Variants in IZUMO3 observed in about 807,000 individuals in gnomAD.
IZUMO3 encodes izumo sperm-egg fusion protein 3.
In IZUMO3, 36 loss-of-function variants were observed where a neutral mutation model predicts 28.4. That is an observed-to-expected ratio of 1.27 (90% CI 0.97 to 1.67). IZUMO3 has a LOEUF of 1.67. Among genes scored for constraint, IZUMO3 ranks in the 40% most tolerant of loss-of-function variants. IZUMO3 has a pLI of 0.00. For missense variants in IZUMO3, 387 were observed against 278.5 expected, an observed-to-expected ratio of 1.39 and a Z score of -2.77; for synonymous variants, 126 against 99.2, an observed-to-expected ratio of 1.27 and a Z score of -1.61.
At position 24,543,147 on chromosome 9, in the gene IZUMO3, A is replaced by C; in HGVS notation, c.*82T>G. On this transcript the variant is annotated 3_prime_UTR_variant, in exon 7 of 7. Transcript: ENST00000543880. Reference sequence around the variant, plus strand: ...TTAAAATACTATGACTTTATGACCAAGAAAGGGTTTACCTCCCAGTTTTGT... The same window carrying C: ...TTAAAATACTATGACTTTATGACCACGAAAGGGTTTACCTCCCAGTTTTGT... 1 of 1,118,878 alleles carries C rather than the reference A, an allele frequency of 8.9e-7. No homozygotes were observed. The highest frequency in any genetic ancestry group is 1.2e-6 in the Non-Finnish European group (1 of 826,264). The allele number at this position is 1,118,878 out of a possible 1,614,324, so 69.3% of individuals were successfully genotyped here.
intron 2 of IZUMO3, 66 bp downstream of exon 2, chr9:24,545,146 C>CT (rs1819561303): frequency 1.3e-6 from 2 of 1,507,508 alleles, no homozygotes; most frequent in East Asian, 4.9e-5. Flanking sequence ...TCTTTGTTTT[C>CT]CCCAGCCAAA....
chr9:24,543,527 A>G, intron 6 of IZUMO3, 137 bp downstream of exon 6: 1 of 628,300 alleles, frequency 1.6e-6, no homozygotes, highest in Non-Finnish European at 2.2e-6. Context: ...CAAACTTTGC[A>G]TTTTATTCCT....
Position 24,544,646 on chromosome 9 carries a change from T to A in IZUMO3, c.409+97A>T, listed in dbSNP as rs564751760. 5 of 1,085,062 alleles carry A rather than the reference T, an allele frequency of 4.6e-6. No homozygotes were observed. In the African/African-American group the frequency reaches 4.8e-5, roughly 10 times the overall value. The allele number at this position is 1,085,062 out of a possible 1,614,324, so 67.2% of individuals were successfully genotyped here. On this transcript the variant is annotated intron_variant, in intron 4 of 6. Coordinates refer to ENST00000543880, the MANE Select transcript of IZUMO3 (RefSeq NM_001365008.2). The stretch of plus-strand genomic sequence containing the variant: ...GTAACCACAGCTCTAGGAATTGGTT[T>A]CCCAGTGTAACAGGTGGGAGAGATA...
chr9:24,543,633 C>T, intron 6 of IZUMO3, 31 bp downstream of exon 6: 1 of 1,424,894 alleles, frequency 7.0e-7, no homozygotes, highest in South Asian at 1.2e-5. Flanking sequence ...GAATATTTGA[C>T]CCAGTGTTTA....
rs1046084177 is a variant in IZUMO3, at chr9:24,545,033, G to C, written c.330C>G (p.Leu110=). The change falls in exon 3 of 7, where the codon CTC becomes CTG. Residue 110 remains leucine, a synonymous_variant. Transcript: ENST00000543880. ...KGVFIYQGKL[L]DVCQNLESKL... ...TGGATTCCAGGTTTTGGCAGACATC[G>C]AGAAGCTTGCCTTGATAGATAAAGA... 4 of 1,550,374 alleles carry C rather than the reference G, an allele frequency of 2.6e-6. No individual in the cohort carries two copies. The highest frequency in any genetic ancestry group is 3.5e-6 in the Non-Finnish European group (4 of 1,146,738).
chr9:24,545,287 C>T lies in IZUMO3; in HGVS notation c.227-1G>A, dbSNP rs1359551142. The T allele has an allele frequency of 6.5e-7, 1 of 1,550,020 alleles. No homozygotes were observed. The highest frequency in any genetic ancestry group is 2.0e-5 in the Admixed American group (1 of 50,986). On this transcript the variant is annotated splice_acceptor_variant, in intron 1 of 6. Transcript: ENST00000543880. LOFTEE classifies it high-confidence loss of function. ...CTCAACTTAACAACCTGCTGAACAG[C>T]TAGAGAGGGAGAGTAAAGGTACATG... is the stretch of plus-strand genomic sequence containing the variant.
At chr9:24,544,305 A>C in intron 4 of IZUMO3, 24 bp from the exon 5 acceptor site, 1 of 1,506,676 alleles carries the variant, frequency 6.6e-7, no homozygotes, top group Non-Finnish European at 9.0e-7. Flanking sequence ...GAAGAAAGAT[A>C]ATCAGAAAGA....
chr9:24,544,757 C>A lies in IZUMO3; in HGVS notation c.395G>T (p.Cys132Phe). 1 of 1,550,202 alleles carries A rather than the reference C, an allele frequency of 6.5e-7. No individual in the cohort carries two copies. ...ACTGTACTCACTGCAATCTTCAGAA[C>A]AAGCTAGAAGAGAATCAGAAAGTTC... ...ELLKNFSEIA[C>F]SEDCIVVEGP... Residue 132 changes from cysteine to phenylalanine, a missense_variant, in exon 4 of 7, where the codon TGT becomes TTT. By Grantham distance (205) the Cys-to-Phe change is radical. Transcript: ENST00000543880.
intron 1 of IZUMO3, 48 bp downstream of exon 1, chr9:24,545,376 C>A: frequency 6.5e-7 from 1 of 1,547,398 alleles, no homozygotes; most frequent in Non-Finnish European, 8.7e-7. Flanking sequence ...CCTTGCCTCC[C>A]TTCTCCGTTT....
In IZUMO3 at chr9:24,545,891, G is replaced by C. The variant is rs1819583266; in HGVS notation, c.-242C>G. The C allele has an allele frequency of 6.7e-7, 1 of 1,486,102 alleles. No individual in the cohort carries two copies. Among genetic ancestry groups the C allele is most frequent in the Admixed American group, 2.0e-5 (1 of 48,944 alleles). 92.1% of individuals were successfully genotyped at this position (1,486,102 alleles called of 1,614,324 possible). ...ACTGCCAGCTGGGGAGCGGATACCTGAGTTCTGAGTGTAGAACACCAAGAG... is the reference window on the plus strand; with the variant it reads ...ACTGCCAGCTGGGGAGCGGATACCTCAGTTCTGAGTGTAGAACACCAAGAG... On this transcript the variant is annotated 5_prime_UTR_variant, in exon 1 of 7. Transcript: ENST00000543880.
chr9:24,543,562 A>T, intron 6 of IZUMO3, 102 bp downstream of exon 6: 1 of 997,482 alleles, frequency 1.0e-6, no homozygotes, highest in Non-Finnish European at 1.5e-6. Flanking sequence ...ATTTAAAATG[A>T]CTTCTTTTGC....
chr9:24,545,256 C>T lies in IZUMO3; in HGVS notation c.257G>A (p.Trp86Ter). 6.5e-7 allele frequency: 1 copy of T among 1,550,342 alleles called. No individual in the cohort carries two copies. Among genetic ancestry groups the T allele is most frequent in the Non-Finnish European group, 8.7e-7 (1 of 1,146,828 alleles). ...AVQQVVKLRT[W>*]LKNEFYKLGN... is the part of the protein sequence containing the mutation. ...CAGTTTATAAAATTCATTCTTCAAC[C>T]ATGTTCTCAACTTAACAACCTGCTG... is the stretch of plus-strand genomic sequence containing the variant. The change falls in exon 2 of 7, where the codon TGG becomes TAG. Residue 86 changes from tryptophan (W) to a stop codon, truncating the protein, a stop_gained. Transcript: ENST00000543880. LOFTEE classifies it high-confidence loss of function.
rs764177028 is a variant in IZUMO3 at position 24,543,201 on chromosome 9, GAA to G, written c.*26_*27del. On this transcript the variant is annotated 3_prime_UTR_variant, in exon 7 of 7. Coordinates refer to ENST00000543880, the MANE Select transcript of IZUMO3 (RefSeq NM_001365008.2). ...TAGAGTCAACACTTAAGAGAATCAT[GAA>G]AGACTTCTTGTCCATGTTGATGTGT... 7.9e-6 allele frequency: 12 copies of G among 1,518,218 alleles called. No individual in the cohort carries two copies. Among genetic ancestry groups the G allele is most frequent in the Middle Eastern group, 1.7e-4 (1 of 5,844 alleles). 94.0% of individuals were successfully genotyped at this position (1,518,218 alleles called of 1,614,324 possible).
intron 3 of IZUMO3, 41 bp from the exon 4 acceptor site, chr9:24,544,801 C>G (rs958117157): frequency 1.3e-6 from 2 of 1,543,734 alleles, no homozygotes; most frequent in Non-Finnish European, 1.8e-6. Flanking sequence ...TTAAAACCAG[C>G]TACAGTTTGC....
chr9:24,543,320 C>T lies in IZUMO3; in HGVS notation c.629G>A (p.Arg210Lys). 2 of 1,548,550 alleles carry T rather than the reference C, an allele frequency of 1.3e-6. No individual in the cohort carries two copies. Among genetic ancestry groups the T allele is most frequent in the Non-Finnish European group, 1.7e-6 (2 of 1,145,974 alleles). The change falls in exon 7 of 7, where the codon AGG (arginine) becomes AAG (lysine). Residue 210 changes from arginine to lysine, a missense_variant. Transcript: ENST00000543880. ...CTTCTCCACATATTCCTTTAGCGAC[C>T]TTCGTATTGCCTTCATTTTCCTCCG... ...FHRRKMKAIR[R>K]SLKEYVEKKL... is the part of the protein sequence containing the mutation.
Position 24,545,830 on chromosome 9 carries a change from GT to G in IZUMO3, c.-182del. 2 of 1,542,508 alleles carry G rather than the reference GT, an allele frequency of 1.3e-6. No homozygotes were observed. Among genetic ancestry groups the G allele is most frequent in the Non-Finnish European group, 1.7e-6 (2 of 1,143,270 alleles). On this transcript the variant is annotated 5_prime_UTR_variant, in exon 1 of 7. Transcript: ENST00000543880. ...TTGTTTAGTTTAATGATCTTTAGTT[GT>G]TTACTGACTATTATCCTTCATTCTA...
chr9:24,545,564 A>C lies in IZUMO3; in HGVS notation c.86T>G (p.Ile29Arg), dbSNP rs1224420589. The change falls in exon 1 of 7, where the codon ATA becomes AGA. Residue 29 changes from isoleucine (I) to arginine (R), a missense_variant. Physicochemically the swap from Ile to Arg is moderately conservative, Grantham distance 97. Transcript: ENST00000543880. ...KGCLECDPKF[I>R]EDVGSLLGNL... ...TCCCAGCAAGGAGCCAACATCCTCTATAAATTTGGGGTCACATTCTAAACA... is the reference window on the plus strand; with the variant it reads ...TCCCAGCAAGGAGCCAACATCCTCTCTAAATTTGGGGTCACATTCTAAACA... 1 of 1,535,252 alleles carries C rather than the reference A, an allele frequency of 6.5e-7. No individual in the cohort carries two copies. The highest frequency in any genetic ancestry group is 8.7e-7 in the Non-Finnish European group (1 of 1,146,704).
At chr9:24,543,515 G>T (rs189720903) in intron 6 of IZUMO3, 148 bp from the exon 7 acceptor site, 10 of 532,240 alleles carry the variant, frequency 1.9e-5, no homozygotes, top group Middle Eastern at 3.9e-4. Context: ...CTATTATCCC[G>T]TCAAACTTTG....
rs187044520 is a variant in IZUMO3, at chr9:24,545,054, A to G, written c.309T>C (p.Phe103=). 3.8e-4 allele frequency: 582 copies of G among 1,548,530 alleles called. No individual in the cohort carries two copies. The highest frequency in any genetic ancestry group is 4.5e-4 in the Non-Finnish European group (516 of 1,144,834). Residue 103 remains phenylalanine (F), a synonymous_variant, in exon 3 of 7, where the codon TTT becomes TTC. Coordinates refer to ENST00000543880, the MANE Select transcript of IZUMO3 (RefSeq NM_001365008.2). The part of the protein sequence containing the change: ...KLGNETWKGV[F]IYQGKLLDVC... ...CATCGAGAAGCTTGCCTTGATAGATAAAGACACCTAAGAGGGAGTGGAAGG... is the reference window on the plus strand; with the variant it reads ...CATCGAGAAGCTTGCCTTGATAGATGAAGACACCTAAGAGGGAGTGGAAGG...
Sources: allele counts gnomAD v4.1 joint callset, GRCh38; gene constraint gnomAD v4.1.1; transcripts MANE v1.5; gene names NCBI Gene and HGNC (gene_info 2026-07-23, HGNC 2026-07-21).